ERAP1: variants seen among roughly 807,000 people sequenced by gnomAD.
ERAP1 encodes adipocyte-derived leucine aminopeptidase.
ERAP1 carries 86 observed loss-of-function variants against 103.7 expected under a neutral mutation model. That is an observed-to-expected ratio of 0.83 (90% confidence interval 0.70 to 0.99). ERAP1 has a LOEUF of 0.99. Ranked by LOEUF, ERAP1 falls within the 50% of genes least tolerant of loss-of-function variation. The pLI, the probability that ERAP1 is intolerant of heterozygous loss-of-function variation, is 0.00. For synonymous variants in ERAP1, 398 were observed against 402.4 expected (o/e 0.99, Z 0.13); for missense variants, 1,009 against 1,128.4 (o/e 0.89, Z 1.52).
At chr5:96,820,475 T>G in the ERAP1 span, among the ~76,000 whole-genome samples, 1 of 152,232 alleles carries the variant, frequency 6.6e-6, no homozygotes, top group South Asian at 2.1e-4. Context: ...TACTTCAGAT[T>G]TGAATGTTGA....
chr5:96,880,705 A>G, the ERAP1 span, among the ~76,000 whole-genome samples: 1 of 152,192 alleles, frequency 6.6e-6, no homozygotes, highest in African/African-American at 2.4e-5. Flanking sequence ...GAAACAAGGA[A>G]CTAGTTTGGA....
At chr5:96,837,538 C>T in the ERAP1 span, among the ~76,000 whole-genome samples, 8 of 152,192 alleles carry the variant, frequency 5.3e-5, no homozygotes, top group Non-Finnish European at 8.8e-5. Context: ...GTGGGTGGTG[C>T]AGGAGCCGAG....
chr5:96,846,588 G>C, the ERAP1 span, among the ~76,000 whole-genome samples: 1 of 152,046 alleles, frequency 6.6e-6, no homozygotes, highest in African/African-American at 2.4e-5. Context: ...GATTCCAGTA[G>C]GTCTGAGATA....
At position 96,774,828 on chromosome 5, in the gene ERAP1, T is replaced by C; in HGVS notation, c.*1568A>G. 2 of 985,290 alleles carry C rather than the reference T, an allele frequency of 2.0e-6. No individual in the cohort carries two copies. Among genetic ancestry groups the C allele is most frequent in the South Asian group, 9.4e-5 (2 of 21,286 alleles). 61.0% of individuals were successfully genotyped at this position (985,290 alleles called of 1,614,324 possible). ...CACTTTTATACCTATTTATTTGTTG[T>C]AGTGAATGGTTTAATAAATGGCAGA... On this transcript the variant is annotated 3_prime_UTR_variant, in exon 19 of 19. Transcript: ENST00000443439.
chr5:96,774,403 A>ATAAC (rs1320391941), downstream of ERAP1: 1 of 532,934 alleles, frequency 1.9e-6, no homozygotes, highest in African/African-American at 2.0e-5. Flanking sequence ...TTAATAACTA[A>ATAAC]TAACTGGAGT....
Position 96,797,276 on chromosome 5 carries a change from C to G in ERAP1, c.697G>C (p.Glu233Gln), listed in dbSNP as rs1179365911. The change falls in exon 4 of 19, where the codon GAA (glutamate) becomes CAA (glutamine). Residue 233 changes from glutamate (E) to glutamine (Q), a missense_variant. Glu to Gln is a conservative substitution (Grantham distance 29). Transcript: ENST00000443439. ...KSVTVAEGLI[E>Q]DHFDVTVKMS... The stretch of plus-strand genomic sequence containing the variant: ...TTCACAGTGACATCAAAATGGTCTT[C>G]TATGAGTCCTTCAGCAACAGTCACA... 6.2e-7 allele frequency: 1 copy of G among 1,614,086 alleles called. No individual in the cohort carries two copies. The highest frequency in any genetic ancestry group is 1.3e-5 in the African/African-American group (1 of 74,948).
At chr5:96,855,575 C>G in the ERAP1 span, among the ~76,000 whole-genome samples, 1 of 152,224 alleles carries the variant, frequency 6.6e-6, no homozygotes, top group African/African-American at 2.4e-5. Context: ...TGAAGACTGT[C>G]TGTTCCTTTC....
chr5:96,857,827 A>G, the ERAP1 span, among the ~76,000 whole-genome samples: 1 of 152,210 alleles, frequency 6.6e-6, no homozygotes, highest in Non-Finnish European at 1.5e-5. Context: ...CCTGTTTTGT[A>G]TTCAGGCTTT....
At position 96,792,208 on chromosome 5, in the gene ERAP1, A is replaced by C; in HGVS notation, c.1189-16T>G. 3 of 1,611,436 alleles carry C rather than the reference A, an allele frequency of 1.9e-6. No homozygotes were observed. The highest frequency in any genetic ancestry group is 2.5e-6 in the Non-Finnish European group (3 of 1,177,602). ...AATAATCTCCCTATTGAGATAGAAAAAAGAAAACATCACCTATGATTTACA... is the reference window on the plus strand; with the variant it reads ...AATAATCTCCCTATTGAGATAGAAACAAGAAAACATCACCTATGATTTACA... On this transcript the variant is annotated splice_polypyrimidine_tract_variant and intron_variant, in intron 7 of 18. Transcript: ENST00000443439.
rs1776006997 is a variant in ERAP1 at position 96,786,421 on chromosome 5, A to G, written c.1759+49T>C. On this transcript the variant is annotated intron_variant, in intron 12 of 18. Coordinates refer to ENST00000443439, the MANE Select transcript of ERAP1 (RefSeq NM_001040458.3). ...AAGAAACAGCACTTTAATCCTACACATTTTCACATTCCTCCTTGAATTAAC... is the reference window on the plus strand; with the variant it reads ...AAGAAACAGCACTTTAATCCTACACGTTTTCACATTCCTCCTTGAATTAAC... 6 of 1,266,766 alleles carry G rather than the reference A, an allele frequency of 4.7e-6. No individual in the cohort carries two copies. In the East Asian group the frequency reaches 9.3e-5, roughly 20 times the overall value. 78.5% of individuals were successfully genotyped at this position (1,266,766 alleles called of 1,614,324 possible). A position where few individuals can be genotyped will look rare whatever the true frequency, so the allele number is the denominator to read the frequency against.
chr5:96,826,633 C>T, the ERAP1 span, among the ~76,000 whole-genome samples: 1 of 152,118 alleles, frequency 6.6e-6, no homozygotes, highest in Non-Finnish European at 1.5e-5. Flanking sequence ...TTTAGACATG[C>T]AAGAAGGCTG....
At chr5:96,912,246 A>G in the ERAP1 span, among the ~76,000 whole-genome samples, 1 of 151,072 alleles carries the variant, frequency 6.6e-6, no homozygotes, top group Non-Finnish European at 1.5e-5. Flanking sequence ...GTGATAAAAA[A>G]GCATCAAGTA....
At chr5:96,921,832 T>A in the ERAP1 span, among the ~76,000 whole-genome samples, 1 of 152,230 alleles carries the variant, frequency 6.6e-6, no homozygotes, top group Non-Finnish European at 1.5e-5. Flanking sequence ...CATTCCTCCG[T>A]AAGGAATTCC....
At chr5:96,874,158 G>GAAAGAAAC in the ERAP1 span, among the ~76,000 whole-genome samples, 2 of 109,100 alleles carry the variant, frequency 1.8e-5, no homozygotes, top group Middle Eastern at 3.9e-3. Context: ...AAGAAAGAAA[G>GAAAGAAAC]AAAGAAAGAA....
At chr5:96,917,761 C>T in the ERAP1 span, 1 of 473,210 alleles carries the variant, frequency 2.1e-6, no homozygotes. Context: ...AAAAAATTAG[C>T]CGGGCATGGT....
chr5:96,923,693 C>CAA, the ERAP1 span, among the ~76,000 whole-genome samples: 4 of 73,702 alleles, frequency 5.4e-5, no homozygotes, highest in East Asian at 3.6e-4. Context: ...GACTCTGTCT[C>CAA]AAAAAAAAAA....
At chr5:96,898,672 G>A in the ERAP1 span, among the ~76,000 whole-genome samples, 2 of 151,948 alleles carry the variant, frequency 1.3e-5, no homozygotes, top group Admixed American at 6.6e-5. Context: ...TCCAGGAGGC[G>A]GAGTTGCAAT....
chr5:96,891,535 TACACACACACAC>T, the ERAP1 span, among the ~76,000 whole-genome samples: 78 of 138,992 alleles, frequency 5.6e-4, no homozygotes, highest in African/African-American at 1.9e-3. Context: ...ACGGTATATA[TACACACACACAC>T]ACACACACAC....
At chr5:96,763,730 A>T (rs1221231060) in intron 19 of ERAP1, among the ~76,000 whole-genome samples, 1 of 152,248 alleles carries the variant, frequency 6.6e-6, no homozygotes, top group Non-Finnish European at 1.5e-5. Context: ...TGCTGTGATT[A>T]TTAGATTGTT....
Sources: gnomAD v4.1 joint callset for allele counts (sites outside exome capture counted in the v4.1 genomes callset) on GRCh38, gnomAD v4.1.1 for gene constraint, MANE v1.5 for transcripts, NCBI Gene and HGNC (gene_info 2026-07-23, HGNC 2026-07-21) for gene names.